TNFAIP8: variants seen among roughly 807,000 people sequenced by gnomAD.
TNFAIP8 encodes the protein TNF alpha induced protein 8, also known as tumor necrosis factor alpha-induced protein 8.
A neutral mutation model predicts 13.3 loss-of-function variants in TNFAIP8; 7 were observed. The observed-to-expected ratio is 0.52, with a 90% CI of 0.30 to 0.99. The LOEUF (loss-of-function observed/expected upper bound fraction) is 0.99, where lower values mean the gene tolerates loss of function less well. Ranked by LOEUF, TNFAIP8 falls within the 50% of genes least tolerant of loss-of-function variation. The pLI is 0.07. For missense variants in TNFAIP8, 258 were observed against 236.9 expected, an observed-to-expected ratio of 1.09 and a Z score of -0.58; for synonymous variants, 94 against 87.6, an observed-to-expected ratio of 1.07 and a Z score of -0.41.
intron 1 of TNFAIP8, among the ~76,000 whole-genome samples, chr5:119,339,123 T>TA (rs1750653210): frequency 6.6e-6 from 1 of 152,202 alleles, no homozygotes; most frequent in Non-Finnish European, 1.5e-5. Flanking sequence ...CTGATGTTGA[T>TA]AAAATTCTAC....
intron 1 of TNFAIP8, among the ~76,000 whole-genome samples, chr5:119,369,265 G>A (rs1232785620): frequency 2.0e-5 from 3 of 152,048 alleles, no homozygotes; most frequent in African/African-American, 4.8e-5. Context: ...TGTTGGCCAG[G>A]CTGGTCTCGA....
At chr5:119,366,177 C>T (rs921178343) in intron 1 of TNFAIP8, among the ~76,000 whole-genome samples, 1 of 151,162 alleles carries the variant, frequency 6.6e-6, no homozygotes, top group Non-Finnish European at 1.5e-5. Context: ...ATGTGCAAAA[C>T]TTAAGAAGTG....
At chr5:119,300,006 G>A (rs1004951968) in intron 1 of TNFAIP8, among the ~76,000 whole-genome samples, 4 of 152,202 alleles carry the variant, frequency 2.6e-5, no homozygotes, top group African/African-American at 7.2e-5. Context: ...TCCAGGTGCC[G>A]TCTGTCACCC....
intron 1 of TNFAIP8, among the ~76,000 whole-genome samples, chr5:119,322,182 T>C (rs980772390): frequency 6.6e-6 from 1 of 152,162 alleles, no homozygotes; most frequent in Non-Finnish European, 1.5e-5. Flanking sequence ...CTCTGGTTTG[T>C]TTTTTCCCTC....
At chr5:119,306,212 G>A (rs1189859846) in intron 1 of TNFAIP8, 2 of 152,072 alleles carry the variant, frequency 1.3e-5, no homozygotes, top group African/African-American at 2.4e-5. Context: ...GAAGAGCTAG[G>A]TGCTTAGGAT....
chr5:119,304,152 T>G (rs956281596), intron 1 of TNFAIP8, among the ~76,000 whole-genome samples: 1 of 152,132 alleles, frequency 6.6e-6, no homozygotes, highest in African/African-American at 2.4e-5. Context: ...ACGGTCTTGC[T>G]CTGTTGCCCA....
intron 1 of TNFAIP8, among the ~76,000 whole-genome samples, chr5:119,282,970 G>A (rs1561981647): frequency 6.6e-6 from 1 of 152,190 alleles, no homozygotes; most frequent in African/African-American, 2.4e-5. Flanking sequence ...GCATTTGTGC[G>A]AGTTTGGCCA....
chr5:119,299,932 C>G (rs6892643), intron 1 of TNFAIP8, among the ~76,000 whole-genome samples: 13,539 of 152,302 alleles, frequency 0.089, 848 homozygotes, highest in African/African-American at 0.18. Context: ...GTTATAATCT[C>G]TTGGTGCACC....
chr5:119,319,421 T>G (rs1749989825), intron 1 of TNFAIP8, among the ~76,000 whole-genome samples: 1 of 152,240 alleles, frequency 6.6e-6, no homozygotes, highest in Non-Finnish European at 1.5e-5. Flanking sequence ...AAACTTGATT[T>G]AATGAGAACA....
At chr5:119,321,171 C>T (rs933810718) in intron 1 of TNFAIP8, among the ~76,000 whole-genome samples, 6 of 152,082 alleles carry the variant, frequency 3.9e-5, no homozygotes, top group South Asian at 2.1e-4. Flanking sequence ...GAGCCGAGAT[C>T]GAGCCACTGC....
intron 1 of TNFAIP8, among the ~76,000 whole-genome samples, chr5:119,387,553 AGTTAT>A (rs1339572995): frequency 3.3e-5 from 5 of 152,350 alleles, no homozygotes; most frequent in Admixed American, 6.5e-5. Context: ...CAGTGGGAGT[AGTTAT>A]GTTATGGGGC....
In TNFAIP8 at chr5:119,394,172, CA is replaced by C. The variant is rs1753008053; in HGVS notation, c.*797del. On this transcript the variant is annotated 3_prime_UTR_variant, in exon 2 of 2. Transcript: ENST00000504771. The stretch of plus-strand genomic sequence containing the variant: ...TTACATCCATTTCACATGTAAGAGA[CA>C]AAAAAGTCTAGATTGGTCTTGATAT... The C allele has an allele frequency of 6.6e-6, 1 of 151,910 alleles. No homozygotes were observed. 9.4% of individuals were successfully genotyped at this position (151,910 alleles called of 1,614,324 possible). A position where few individuals can be genotyped will look rare whatever the true frequency, so the allele number is the denominator to read the frequency against.
intron 1 of TNFAIP8, among the ~76,000 whole-genome samples, chr5:119,329,330 C>T (rs1187777103): frequency 1.3e-5 from 2 of 152,226 alleles, no homozygotes; most frequent in Non-Finnish European, 2.9e-5. Flanking sequence ...AAAAGGCCTA[C>T]CTTCCCACAC....
At chr5:119,336,322 T>C (rs1213493166) in intron 1 of TNFAIP8, among the ~76,000 whole-genome samples, 3 of 152,182 alleles carry the variant, frequency 2.0e-5, no homozygotes, top group African/African-American at 7.2e-5. Flanking sequence ...CCTCTGGCAC[T>C]CTTCCGGCCA....
At chr5:119,294,637 A>T (rs1020939265) in intron 1 of TNFAIP8, among the ~76,000 whole-genome samples, 8 of 152,154 alleles carry the variant, frequency 5.3e-5, no homozygotes, top group East Asian at 1.9e-4. Flanking sequence ...CCACAATGGT[A>T]GAACTAGTTT....
At chr5:119,328,905 A>G (rs1159293055) in intron 1 of TNFAIP8, among the ~76,000 whole-genome samples, 1 of 152,256 alleles carries the variant, frequency 6.6e-6, no homozygotes, top group African/African-American at 2.4e-5. Flanking sequence ...TATTCAGTTC[A>G]GTAGAGAATA....
intron 1 of TNFAIP8, among the ~76,000 whole-genome samples, chr5:119,279,959 C>A (rs1748577402): frequency 6.6e-6 from 1 of 152,204 alleles, no homozygotes; most frequent in Admixed American, 6.5e-5. Context: ...CTACACTTTT[C>A]CACCTAGCAC....
intron 1 of TNFAIP8, among the ~76,000 whole-genome samples, chr5:119,297,480 A>G (rs1581581415): frequency 1.3e-5 from 2 of 152,214 alleles, no homozygotes; most frequent in Non-Finnish European, 1.5e-5. Flanking sequence ...ACAGTTTGTT[A>G]TAATTTCTGT....
chr5:119,316,215 A>C (rs925262219), intron 1 of TNFAIP8: 38 of 145,874 alleles, frequency 2.6e-4, no homozygotes, highest in African/African-American at 8.2e-4. Context: ...GCTGAAGTGC[A>C]GTGGTGAGAT....
Sources: gnomAD v4.1 joint callset for allele counts (sites outside exome capture counted in the v4.1 genomes callset) on GRCh38, gnomAD v4.1.1 for gene constraint, MANE v1.5 for transcripts, NCBI Gene and HGNC (gene_info 2026-07-23, HGNC 2026-07-21) for gene names.